CTSO: variants seen among roughly 807,000 people sequenced by gnomAD.
CTSO encodes cathepsin O.
CTSO carries 40 observed loss-of-function variants against 42.4 expected under a neutral mutation model. The ratio of observed to expected loss-of-function variants is 0.94; its 90% confidence interval spans 0.73 to 1.23. The LOEUF (loss-of-function observed/expected upper bound fraction) is 1.23. CTSO is among the 50% of genes most tolerant of loss of function. The probability of loss-of-function intolerance (pLI) is 0.00; values close to 1 mark genes in which losing one functional copy is unlikely to be tolerated. For missense variants in CTSO, 441 were observed against 396.0 expected (o/e 1.11, Z -0.96); for synonymous variants, 156 against 146.2 (o/e 1.07, Z -0.48).
intron 1 of CTSO, among the ~76,000 whole-genome samples, chr4:155,953,137 A>G (rs921777304): frequency 1.3e-5 from 2 of 152,020 alleles, no homozygotes; most frequent in African/African-American, 4.8e-5. Flanking sequence ...CTTTTCTTCA[A>G]CTCAGTCTCC....
intron 1 of CTSO, among the ~76,000 whole-genome samples, chr4:155,951,897 CCCA>C (rs1743681293): frequency 6.6e-6 from 1 of 152,056 alleles, no homozygotes; most frequent in Admixed American, 6.5e-5. Context: ...ATCCATCTCC[CCCA>C]CTTCCCTCCT....
At chr4:155,944,854 C>T (rs1232873165) in intron 1 of CTSO, among the ~76,000 whole-genome samples, 1 of 151,506 alleles carries the variant, frequency 6.6e-6, no homozygotes, top group Non-Finnish European at 1.5e-5. Context: ...CCCAGTCTTC[C>T]TTCCTTTTTT....
At chr4:155,942,221 A>C in intron 3 of CTSO, 96 bp downstream of exon 3, 1 of 1,018,764 alleles carries the variant, frequency 9.8e-7, no homozygotes, top group South Asian at 3.0e-5. Context: ...ATTTTCCTAG[A>C]GAAATGATGT....
chr4:155,948,471 C>T (rs1192448331), intron 1 of CTSO, among the ~76,000 whole-genome samples: 1 of 151,990 alleles, frequency 6.6e-6, no homozygotes, highest in African/African-American at 2.4e-5. Flanking sequence ...GCAGTGTCTT[C>T]CATATTCTAA....
chr4:155,941,930 C>T (rs1484349837), intron 3 of CTSO, among the ~76,000 whole-genome samples: 1 of 151,984 alleles, frequency 6.6e-6, no homozygotes, highest in Admixed American at 6.5e-5. Flanking sequence ...TTTCTTGAAC[C>T]ATTTAAGCCT....
At chr4:155,928,293 T>G (rs1263603763) in intron 7 of CTSO, 43 bp downstream of exon 7, 18 of 1,389,768 alleles carry the variant, frequency 1.3e-5, no homozygotes, top group Non-Finnish European at 1.8e-5. Context: ...AATAATCTCC[T>G]TAATATTTAT....
At chr4:155,935,625 T>C (rs1743316696) in intron 5 of CTSO, among the ~76,000 whole-genome samples, 1 of 152,252 alleles carries the variant, frequency 6.6e-6, no homozygotes, top group East Asian at 1.9e-4. Context: ...CCTCCCACTG[T>C]TTTCATTTGT....
intron 5 of CTSO, among the ~76,000 whole-genome samples, chr4:155,936,739 C>T (rs1249129917): frequency 6.6e-6 from 1 of 152,180 alleles, no homozygotes; most frequent in Non-Finnish European, 1.5e-5. Context: ...TCCTTTTCCT[C>T]AGCCTGTCTT....
chr4:155,940,842 C>CA (rs34039264), intron 3 of CTSO, among the ~76,000 whole-genome samples: 59,887 of 135,792 alleles, frequency 0.44, 12,827 homozygotes, highest in Middle Eastern at 0.55. Flanking sequence ...GACTCCGTCT[C>CA]AAAAAAAAAA....
At chr4:155,946,811 A>G (rs1227767094) in intron 1 of CTSO, among the ~76,000 whole-genome samples, 5 of 152,204 alleles carry the variant, frequency 3.3e-5, no homozygotes, top group Non-Finnish European at 7.3e-5. Context: ...AACCATTAAT[A>G]ACATTAAAAG....
chr4:155,934,132 C>T (rs1743287418), intron 5 of CTSO, among the ~76,000 whole-genome samples: 1 of 152,164 alleles, frequency 6.6e-6, no homozygotes, highest in African/African-American at 2.4e-5. Flanking sequence ...GGTCCTTGTG[C>T]TGTGTGCAGC....
chr4:155,947,151 C>T (rs991764631), intron 1 of CTSO, among the ~76,000 whole-genome samples: 50 of 152,200 alleles, frequency 3.3e-4, no homozygotes, highest in Non-Finnish European at 2.8e-4. Context: ...TGAGCCACTG[C>T]GCCTGGCCTC....
chr4:155,933,687 G>A (rs1195108526), intron 5 of CTSO, among the ~76,000 whole-genome samples: 1 of 152,132 alleles, frequency 6.6e-6, no homozygotes, highest in African/African-American at 2.4e-5. Context: ...AAACTTGTGG[G>A]AAATGGAGCA....
intron 1 of CTSO, among the ~76,000 whole-genome samples, chr4:155,947,876 A>G (rs1002508069): frequency 1.3e-5 from 2 of 152,226 alleles, no homozygotes; most frequent in Non-Finnish European, 2.9e-5. Flanking sequence ...ATATTAAAGA[A>G]AAGACCTGAA....
At chr4:155,950,803 C>T (rs1743659275) in intron 1 of CTSO, among the ~76,000 whole-genome samples, 1 of 151,900 alleles carries the variant, frequency 6.6e-6, no homozygotes. Context: ...GCTTGATGAT[C>T]TGGGGTGGAA....
intron 7 of CTSO, among the ~76,000 whole-genome samples, chr4:155,927,811 T>A (rs904291392): frequency 6.6e-6 from 1 of 151,926 alleles, no homozygotes; most frequent in African/African-American, 2.4e-5. Context: ...AAAAAGCATG[T>A]TTGGTATTTG....
At position 155,945,765 on chromosome 4, in the gene CTSO, A is replaced by G. The variant is rs145911005; in HGVS notation, c.136-2501T>C. ...GACACAAAATCCTTAACAAAATAGC[A>G]AATCAAATCTAACAATATATGTTAA... On this transcript the variant is annotated intron_variant, in intron 1 of 7. Coordinates refer to ENST00000433477, the MANE Select transcript of CTSO (RefSeq NM_001334.3). Among the ~76,000 whole-genome samples, 7 of 152,342 alleles carry G rather than the reference A, an allele frequency of 4.6e-5. No individual in the cohort carries two copies. In the East Asian group the frequency reaches 1.2e-3, roughly 25 times the overall value.
intron 4 of CTSO, among the ~76,000 whole-genome samples, chr4:155,939,161 AT>A (rs1560787906): frequency 6.6e-6 from 1 of 152,132 alleles, no homozygotes; most frequent in Non-Finnish European, 1.5e-5. Flanking sequence ...CAGACTTCAG[AT>A]TTTTCCCCTT....
rs1229612793 is a variant in CTSO at position 155,929,599 on chromosome 4, G to C, written c.781C>G (p.His261Asp). Residue 261 changes from histidine to aspartate, a missense_variant, in exon 6 of 8, where the codon CAC becomes GAC. Transcript: ENST00000433477. Reference sequence around the variant, plus strand: ...TGATTTGCTTCTCCACTAGAGCAGTGATGCTGTATAATGCCTCCCAGATAA... The same window carrying C: ...TGATTTGCTTCTCCACTAGAGCAGTCATGCTGTATAATGCCTCCCAGATAA... ...QDYLGGIIQHHCSSGEANHAV... is the reference protein window; with the variant it reads ...QDYLGGIIQHDCSSGEANHAV... The C allele has an allele frequency of 1.2e-6, 2 of 1,613,882 alleles. No individual in the cohort carries two copies. Among genetic ancestry groups the C allele is most frequent in the Non-Finnish European group, 1.7e-6 (2 of 1,179,946 alleles).
Sources: gnomAD v4.1 joint callset for allele counts (sites outside exome capture counted in the v4.1 genomes callset) on GRCh38, gnomAD v4.1.1 for gene constraint, MANE v1.5 for transcripts, NCBI Gene and HGNC (gene_info 2026-07-23, HGNC 2026-07-21) for gene names.